Variants in ZPBP observed in about 807,000 individuals in gnomAD.
ZPBP encodes zona pellucida binding protein, also known as zona pellucida-binding protein 1.
A neutral mutation model predicts 44.8 loss-of-function variants in ZPBP; 26 were observed. The ratio of observed to expected loss-of-function variants is 0.58; its 90% CI spans 0.43 to 0.81. The LOEUF (loss-of-function observed/expected upper bound fraction) is 0.81. ZPBP is among the 30% of genes least tolerant of loss of function. The pLI, the probability that ZPBP is intolerant of heterozygous loss-of-function variation, is 0.00. For missense variants in ZPBP, 409 were observed against 434.0 expected (o/e 0.94, Z 0.51); for synonymous variants, 174 against 153.2 (o/e 1.14, Z -1.00).
intron 2 of ZPBP, among the ~76,000 whole-genome samples, chr7:49,866,555 TTCG>T (rs536464315): frequency 7.9e-4 from 121 of 152,284 alleles, no homozygotes; most frequent in African/African-American, 2.7e-3. Flanking sequence ...ATCTTTCGAG[TTCG>T]GGCTTGCCCA....
chr7:49,858,427 C>T (rs1000980506), intron 2 of ZPBP, among the ~76,000 whole-genome samples: 13 of 151,864 alleles, frequency 8.6e-5, no homozygotes, highest in Non-Finnish European at 1.3e-4. Flanking sequence ...AAGCTGAAAA[C>T]GATCATTCTC....
intron 3 of ZPBP, among the ~76,000 whole-genome samples, chr7:50,060,824 C>T (rs1382459971): frequency 2.6e-5 from 4 of 152,142 alleles, no homozygotes; most frequent in East Asian, 1.9e-4. Context: ...AGGCCAGTAT[C>T]ATTCTGATAT....
chr7:49,879,343 T>G (rs1419774434), intron 2 of ZPBP, among the ~76,000 whole-genome samples: 5 of 152,158 alleles, frequency 3.3e-5, no homozygotes, highest in Admixed American at 3.3e-4. Context: ...GTTTATTAAT[T>G]TTTATTATTT....
intron 3 of ZPBP, among the ~76,000 whole-genome samples, chr7:50,066,243 G>C (rs1801495468): frequency 6.7e-6 from 1 of 150,362 alleles, no homozygotes; most frequent in African/African-American, 2.5e-5. Context: ...TCTTTGGTTT[G>C]AGCTATAAGC....
At chr7:49,947,588 A>G (rs1737504817) in intron 7 of ZPBP, among the ~76,000 whole-genome samples, 1 of 152,152 alleles carries the variant, frequency 6.6e-6, no homozygotes, top group Admixed American at 6.5e-5. Flanking sequence ...TGCTGAGCTG[A>G]CTGGAACAAG....
chr7:50,008,895 G>A (rs569358201), intron 6 of ZPBP, among the ~76,000 whole-genome samples: 8 of 152,066 alleles, frequency 5.3e-5, no homozygotes, highest in Admixed American at 5.2e-4. Context: ...CACATACTGG[G>A]CCAGGCACAG....
At chr7:49,982,450 T>C (rs1797070198) in intron 7 of ZPBP, among the ~76,000 whole-genome samples, 1 of 146,250 alleles carries the variant, frequency 6.8e-6, no homozygotes, top group Non-Finnish European at 1.5e-5. Context: ...GTATTCTATT[T>C]CCTAATATTC....
intron 7 of ZPBP, among the ~76,000 whole-genome samples, chr7:49,982,086 A>T (rs1797003732): frequency 3.6e-5 from 1 of 27,872 alleles, no homozygotes; most frequent in South Asian, 9.5e-4. Flanking sequence ...ATATAATTAT[A>T]TGAATTATAT....
At chr7:50,082,578 C>T (rs1802421851) in intron 2 of ZPBP, among the ~76,000 whole-genome samples, 1 of 151,762 alleles carries the variant, frequency 6.6e-6, no homozygotes, top group African/African-American at 2.4e-5. Flanking sequence ...CATGCCAACT[C>T]TTCACTGATA....
intron 4 of ZPBP, among the ~76,000 whole-genome samples, chr7:50,055,019 T>C (rs1333101639): frequency 6.6e-6 from 1 of 152,194 alleles, no homozygotes; most frequent in Non-Finnish European, 1.5e-5. Flanking sequence ...TCTCATCTAT[T>C]ATAGCAAGGT....
intron 2 of ZPBP, among the ~76,000 whole-genome samples, chr7:49,890,946 C>A (rs1468767330): frequency 6.6e-6 from 1 of 151,460 alleles, no homozygotes; most frequent in African/African-American, 2.4e-5. Flanking sequence ...CTTTAGAAGA[C>A]AACAAATGAG....
chr7:50,047,400 C>T (rs569976037), intron 4 of ZPBP, among the ~76,000 whole-genome samples: 12 of 151,924 alleles, frequency 7.9e-5, no homozygotes, highest in African/African-American at 2.4e-4. Flanking sequence ...AAGGACAATA[C>T]CAAAAAGTCA....
chr7:49,951,224 T>C (rs1356362786), intron 7 of ZPBP, among the ~76,000 whole-genome samples: 1 of 151,786 alleles, frequency 6.6e-6, no homozygotes, highest in East Asian at 1.9e-4. Flanking sequence ...AAACTGGACT[T>C]CATTTTAAAA....
At chr7:49,960,804 A>G (rs1583920049) in intron 7 of ZPBP, among the ~76,000 whole-genome samples, 2 of 152,204 alleles carry the variant, frequency 1.3e-5, no homozygotes, top group African/African-American at 4.8e-5. Context: ...CACAATACAC[A>G]CATACTGGAA....
chr7:50,005,411 G>C (rs1201150083), intron 6 of ZPBP, among the ~76,000 whole-genome samples: 1 of 151,966 alleles, frequency 6.6e-6, no homozygotes, highest in African/African-American at 2.4e-5. Flanking sequence ...ACTCTTAAAA[G>C]ATTTAAAAAC....
At chr7:50,048,172 A>T (rs1800481298) in intron 4 of ZPBP, among the ~76,000 whole-genome samples, 1 of 152,208 alleles carries the variant, frequency 6.6e-6, no homozygotes, top group East Asian at 1.9e-4. Context: ...TTACTAAAGA[A>T]AAAAGGGACT....
intron 3 of ZPBP, among the ~76,000 whole-genome samples, chr7:50,068,296 T>C (rs1438604863): frequency 2.6e-5 from 4 of 152,184 alleles, no homozygotes; most frequent in Non-Finnish European, 5.9e-5. Flanking sequence ...TCGTTCTTCT[T>C]GGCTTATATG....
intron 7 of ZPBP, among the ~76,000 whole-genome samples, chr7:49,954,205 C>T (rs1284436089): frequency 6.6e-6 from 1 of 152,110 alleles, no homozygotes; most frequent in African/African-American, 2.4e-5. Flanking sequence ...ATACTAGTCT[C>T]TTCCACAAAT....
chr7:49,899,250 C>G (rs1792574507), intron 2 of ZPBP, among the ~76,000 whole-genome samples: 1 of 151,844 alleles, frequency 6.6e-6, no homozygotes, highest in South Asian at 2.1e-4. Flanking sequence ...CAAGAATATG[C>G]TAGACAAGGG....
Sources: gnomAD v4.1 joint callset for allele counts (sites outside exome capture counted in the v4.1 genomes callset) on GRCh38, gnomAD v4.1.1 for gene constraint, MANE v1.5 for transcripts, NCBI Gene and HGNC (gene_info 2026-07-23, HGNC 2026-07-21) for gene names.